CDC42BPA: variants seen among roughly 807,000 people sequenced by gnomAD.
The protein encoded by CDC42BPA is serine/threonine-protein kinase MRCK alpha.
Under a neutral mutation model 223.5 loss-of-function variants are expected in CDC42BPA, and 80 were observed. The ratio of observed to expected loss-of-function variants is 0.36; its 90% CI spans 0.30 to 0.43. The LOEUF (loss-of-function observed/expected upper bound fraction) is 0.43. CDC42BPA is among the 20% of genes least tolerant of loss of function. The pLI is 1.00. For missense variants in CDC42BPA, 1,743 were observed against 2,099.9 expected, an observed-to-expected ratio of 0.83 and a Z score of 3.32; for synonymous variants, 694 against 718.6, an observed-to-expected ratio of 0.97 and a Z score of 0.55.
Position 226,994,342 on chromosome 1 carries a change from G to T in CDC42BPA, c.5191C>A (p.Pro1731Thr), listed in dbSNP as rs373832771. 5.0e-6 allele frequency: 8 copies of T among 1,597,570 alleles called. No individual in the cohort carries two copies. Among genetic ancestry groups the T allele is most frequent in the African/African-American group, 4.0e-5 (3 of 74,630 alleles). The change falls in exon 37 of 37, where the codon CCA (proline) becomes ACA (threonine). Residue 1731 changes from proline to threonine, a missense_variant. By Grantham distance (38) the Pro-to-Thr change is conservative. This residue lies in a region of CDC42BPA where 200 missense variants were observed against 192.8 expected (regional missense o/e 1.04). Transcript: ENST00000366766. The surrounding 1 kb of genome is among the most constrained non-coding windows in gnomAD (Gnocchi z 4.0). ...ASNSSNLSSP[P>T]SPASPRKTKS... Reference sequence around the variant, plus strand: ...GTTTTTCGGGGTGAAGCTGGGCTTGGGGGGCTGCTTAGGTTGGAACTGTTG... The same window carrying T: ...GTTTTTCGGGGTGAAGCTGGGCTTGTGGGGCTGCTTAGGTTGGAACTGTTG...
In CDC42BPA at chr1:227,160,447, G is replaced by C. The variant is rs1486009953; in HGVS notation, c.693+96C>G. 6 of 824,348 alleles carry C rather than the reference G, an allele frequency of 7.3e-6. No individual in the cohort carries two copies. In the African/African-American group the frequency reaches 1.0e-4, roughly 14 times the overall value. 51.1% of individuals were successfully genotyped at this position (824,348 alleles called of 1,614,324 possible). A position where few individuals can be genotyped will look rare whatever the true frequency, so the allele number is the denominator to read the frequency against. On this transcript the variant is annotated intron_variant, in intron 6 of 36. Transcript: ENST00000366766. The stretch of plus-strand genomic sequence containing the variant: ...AGATAGACAAATGGATGGATGGGTA[G>C]ATAGTATAAATAGATGGTTTCTAAA...
Position 227,028,675 on chromosome 1 carries a change from C to A in CDC42BPA, c.4414G>T (p.Ala1472Ser), listed in dbSNP as rs147617327. The A allele has an allele frequency of 7.2e-5, 113 of 1,562,310 alleles. No individual in the cohort carries two copies. Among genetic ancestry groups the A allele is most frequent in the Non-Finnish European group, 9.7e-5 (111 of 1,148,664 alleles). The stretch of plus-strand genomic sequence containing the variant: ...ATCTTACAACAAGAGGAAGGATTTG[C>A]TGGCCACATCAATTCCTGTTGTCTA... ...RSRQQELMWP[A>S]NPSSCCYNAP... The change falls in exon 30 of 37, where the codon GCA (alanine) becomes TCA (serine). Residue 1472 changes from alanine (A) to serine (S), a missense_variant. Transcript: ENST00000366766.
chr1:227,026,025 G>T, intron 31 of CDC42BPA, 30 bp downstream of exon 31: 1 of 1,203,448 alleles, frequency 8.3e-7, no homozygotes, highest in Non-Finnish European at 1.2e-6. Flanking sequence ...ATACTCAGTT[G>T]GCTTAGCCCA....
At chr1:227,316,207 G>T (rs971992330) in intron 1 of CDC42BPA, among the ~76,000 whole-genome samples, 4 of 152,170 alleles carry the variant, frequency 2.6e-5, no homozygotes, top group African/African-American at 9.7e-5. Flanking sequence ...AATGTGCCCT[G>T]TATGTAACAG....
intron 32 of CDC42BPA, among the ~76,000 whole-genome samples, chr1:227,017,891 GAGA>G (rs1666603532): frequency 6.6e-6 from 1 of 152,030 alleles, no homozygotes; most frequent in Non-Finnish European, 1.5e-5. Context: ...AAGCTGAAGT[GAGA>G]AGGAGGAGGT....
intron 34 of CDC42BPA, among the ~76,000 whole-genome samples, chr1:227,015,518 G>A (rs1666036469): frequency 6.6e-6 from 1 of 152,130 alleles, no homozygotes; most frequent in African/African-American, 2.4e-5. Flanking sequence ...GCCTCACAAA[G>A]TGCTGGGATT....
At chr1:227,068,672 C>T in intron 21 of CDC42BPA, 1 of 1,205,782 alleles carries the variant, frequency 8.3e-7, no homozygotes, top group Non-Finnish European at 1.1e-6. Context: ...AAAAATCAAT[C>T]AGTGAAGATG....
chr1:227,104,757 C>T (rs1685618073), intron 14 of CDC42BPA, among the ~76,000 whole-genome samples: 1 of 152,106 alleles, frequency 6.6e-6, no homozygotes, highest in African/African-American at 2.4e-5. Flanking sequence ...AGGGAGAACT[C>T]CATGTGAACA....
chr1:227,199,791 G>T (rs530594323), intron 3 of CDC42BPA, 139 bp from the exon 4 acceptor site: 6 of 449,518 alleles, frequency 1.3e-5, no homozygotes, highest in Non-Finnish European at 1.5e-5. Context: ...AATAACACAA[G>T]TTTCAAACCA....
intron 30 of CDC42BPA, 139 bp downstream of exon 30, chr1:227,028,518 A>G (rs1359131725): frequency 3.4e-6 from 2 of 585,492 alleles, no homozygotes; most frequent in South Asian, 3.0e-5. Context: ...TCAACAACAT[A>G]ATCAATACTG....
chr1:227,093,663 C>T (rs1361151375), intron 15 of CDC42BPA, among the ~76,000 whole-genome samples: 1 of 152,122 alleles, frequency 6.6e-6, no homozygotes, highest in Non-Finnish European at 1.5e-5. Context: ...AACTCCTGAC[C>T]AAAGACTTTT....
intron 17 of CDC42BPA, among the ~76,000 whole-genome samples, chr1:227,080,621 A>T (rs1425878009): frequency 6.6e-6 from 1 of 152,196 alleles, no homozygotes; most frequent in Non-Finnish European, 1.5e-5. Context: ...GAAGGTGGTA[A>T]CATTTTCTTA....
intron 15 of CDC42BPA, among the ~76,000 whole-genome samples, chr1:227,099,618 CTCTCG>C (rs1038189724): frequency 2.6e-5 from 4 of 152,106 alleles, no homozygotes; most frequent in African/African-American, 9.7e-5. Context: ...GTTGCCTCCT[CTCTCG>C]TCTCTACTAT....
At chr1:227,186,953 T>C (rs1266316296) in intron 5 of CDC42BPA, among the ~76,000 whole-genome samples, 2 of 152,210 alleles carry the variant, frequency 1.3e-5, no homozygotes, top group Admixed American at 6.5e-5. Context: ...ATGTAAATTC[T>C]TGGTAACAAC....
At chr1:227,084,384 T>A (rs1681369606) in intron 16 of CDC42BPA, among the ~76,000 whole-genome samples, 1 of 152,000 alleles carries the variant, frequency 6.6e-6, no homozygotes, top group Admixed American at 6.6e-5. Flanking sequence ...AAAAATTAGA[T>A]GGGTGTGGTG....
At chr1:227,058,937 A>G (rs1195166328) in intron 21 of CDC42BPA, among the ~76,000 whole-genome samples, 2 of 152,064 alleles carry the variant, frequency 1.3e-5, no homozygotes, top group Non-Finnish European at 2.9e-5. Flanking sequence ...AATAAGATGT[A>G]TAATTTGTTC....
intron 1 of CDC42BPA, among the ~76,000 whole-genome samples, chr1:227,287,298 T>C (rs1688968709): frequency 6.6e-6 from 1 of 152,134 alleles, no homozygotes; most frequent in African/African-American, 2.4e-5. Flanking sequence ...ATTTGCAAGG[T>C]TGGTCTATGG....
intron 1 of CDC42BPA, among the ~76,000 whole-genome samples, chr1:227,273,795 T>C (rs1305693769): frequency 6.6e-6 from 1 of 150,864 alleles, no homozygotes; most frequent in African/African-American, 2.4e-5. Context: ...CTGATGACAC[T>C]TCCTCAAAGT....
At chr1:227,265,789 G>A (rs953965899) in intron 1 of CDC42BPA, among the ~76,000 whole-genome samples, 116 of 152,212 alleles carry the variant, frequency 7.6e-4, no homozygotes, top group African/African-American at 2.7e-3. Context: ...ACATTTTTAA[G>A]TGAATGTTTT....
Sources: allele counts gnomAD v4.1 joint callset (sites outside exome capture counted in the v4.1 genomes callset), GRCh38; gene constraint gnomAD v4.1.1; regional missense constraint gnomAD v4.1.1; non-coding constraint Gnocchi (gnomAD v3.1); transcripts MANE v1.5; gene names NCBI Gene and HGNC (gene_info 2026-07-23, HGNC 2026-07-21).